Variants in C12orf60 observed in about 807,000 individuals in gnomAD.
C12orf60 encodes the protein chromosome 12 open reading frame 60, also known as uncharacterized protein C12orf60.
For synonymous variants in C12orf60, 102 were observed against 94.6 expected (o/e 1.08, Z -0.45); for missense variants, 284 against 283.2 (o/e 1.00, Z -0.02).
intron 1 of C12orf60, among the ~76,000 whole-genome samples, chr12:14,814,789 T>G (rs1281099136): frequency 6.6e-6 from 1 of 152,196 alleles, no homozygotes; most frequent in Non-Finnish European, 1.5e-5. Flanking sequence ...CCAGCTTCAG[T>G]CTTCAGACCC....
intron 1 of C12orf60, among the ~76,000 whole-genome samples, chr12:14,822,439 A>C (rs76108990): frequency 6.6e-6 from 1 of 152,118 alleles, no homozygotes; most frequent in Non-Finnish European, 1.5e-5. Context: ...GCCTTCTGTC[A>C]TCCACCTTTC....
chr12:14,820,373 C>T (rs1451714512), intron 1 of C12orf60, among the ~76,000 whole-genome samples: 2 of 151,304 alleles, frequency 1.3e-5, no homozygotes, highest in Non-Finnish European at 3.0e-5. Context: ...ATTATTTTTT[C>T]CTTTTGCTTA....
chr12:14,803,823 T>C (rs1950004775), intron 1 of C12orf60, 72 bp downstream of exon 1: 1 of 227,776 alleles, frequency 4.4e-6, no homozygotes, highest in African/African-American at 2.3e-5. Flanking sequence ...TCTTTTGGAA[T>C]TACCTTAGTT....
At chr12:14,817,010 T>G (rs529713425) in intron 1 of C12orf60, among the ~76,000 whole-genome samples, 2 of 152,264 alleles carry the variant, frequency 1.3e-5, no homozygotes, top group East Asian at 3.9e-4. Context: ...CCCAAAGTGT[T>G]GGGATTACAC....
rs765292550 is a variant in C12orf60 at position 14,822,926 on chromosome 12, TG to T, written c.-9del. The stretch of plus-strand genomic sequence containing the variant: ...TTGCTTTGCAGTGTTGGAACTTATT[TG>T]TTGGAGAAATGTCTTCAGAGTCAGA... On this transcript the variant is annotated 5_prime_UTR_variant, in exon 2 of 2. Coordinates refer to ENST00000330828, the MANE Select transcript of C12orf60 (RefSeq NM_175874.4). 4.5e-6 allele frequency: 7 copies of T among 1,551,806 alleles called. No individual in the cohort carries two copies. The South Asian group carries it at 8.6e-5, about 19-fold the overall frequency.
intron 1 of C12orf60, among the ~76,000 whole-genome samples, chr12:14,808,391 CTT>C (rs1315332812): frequency 1.3e-5 from 2 of 151,728 alleles, no homozygotes; most frequent in Non-Finnish European, 2.9e-5. Flanking sequence ...AAATTACACT[CTT>C]GAGAGAAAAG....
chr12:14,812,457 A>T (rs947240441), intron 1 of C12orf60, among the ~76,000 whole-genome samples: 9 of 151,924 alleles, frequency 5.9e-5, no homozygotes, highest in East Asian at 1.9e-4. Flanking sequence ...AAAAAAAAAA[A>T]TTTTATTGGT....
At chr12:14,819,644 T>C (rs552631462) in intron 1 of C12orf60, among the ~76,000 whole-genome samples, 1 of 152,276 alleles carries the variant, frequency 6.6e-6, no homozygotes, top group East Asian at 1.9e-4. Context: ...TGGTTCTTTG[T>C]AAGAGCCCTC....
In C12orf60 at chr12:14,822,913, G is replaced by A. The variant is rs1316484518; in HGVS notation, c.-23G>A. 1.9e-6 allele frequency: 3 copies of A among 1,543,980 alleles called. No individual in the cohort carries two copies. Among genetic ancestry groups the A allele is most frequent in the Non-Finnish European group, 2.6e-6 (3 of 1,146,694 alleles). ...TTGGATTACTGCTTTGCTTTGCAGT[G>A]TTGGAACTTATTTGTTGGAGAAATG... On this transcript the variant is annotated splice_region_variant and 5_prime_UTR_variant, in exon 2 of 2. Coordinates refer to ENST00000330828, the MANE Select transcript of C12orf60 (RefSeq NM_175874.4).
intron 1 of C12orf60, among the ~76,000 whole-genome samples, chr12:14,808,064 A>G (rs1592230764): frequency 6.6e-6 from 1 of 152,192 alleles, no homozygotes; most frequent in African/African-American, 2.4e-5. Flanking sequence ...TACTCTGGAG[A>G]CTGAGGCAGG....
intron 1 of C12orf60, among the ~76,000 whole-genome samples, chr12:14,807,690 A>G (rs563612884): frequency 6.6e-6 from 1 of 152,302 alleles, no homozygotes; most frequent in East Asian, 1.9e-4. Context: ...TTAAAATTTC[A>G]TGTGGGGAGA....
rs200379721 is a variant in C12orf60 at position 14,822,985 on chromosome 12, A to G, written c.50A>G (p.Lys17Arg). 6 of 1,608,076 alleles carry G rather than the reference A, an allele frequency of 3.7e-6. No homozygotes were observed. The highest frequency in any genetic ancestry group is 5.1e-6 in the Non-Finnish European group (6 of 1,175,360). ...AAAGAGAGACTGATTCAAGCTGCCA[A>G]AATGTTCTTCTTTCATGTACAAGAT... ...KDKERLIQAAKMFFFHVQDLA... is the reference protein window; with the variant it reads ...KDKERLIQAARMFFFHVQDLA... Residue 17 changes from lysine to arginine, a missense_variant, in exon 2 of 2, where the codon AAA (lysine) becomes AGA (arginine). By Grantham distance (26) the Lys-to-Arg change is conservative (BLOSUM62 2). Transcript: ENST00000330828.
chr12:14,811,803 C>T (rs1950143860), intron 1 of C12orf60, among the ~76,000 whole-genome samples: 1 of 152,154 alleles, frequency 6.6e-6, no homozygotes, highest in South Asian at 2.1e-4. Flanking sequence ...AACAGTAGTG[C>T]GTTGACTGTC....
intron 1 of C12orf60, among the ~76,000 whole-genome samples, chr12:14,804,161 G>A (rs1358883659): frequency 6.6e-6 from 1 of 152,170 alleles, no homozygotes; most frequent in Non-Finnish European, 1.5e-5. Flanking sequence ...GAGTGGCAAG[G>A]TTGATATATA....
intron 1 of C12orf60, chr12:14,806,632 C>T (rs918434163): frequency 6.2e-7 from 1 of 1,611,410 alleles, no homozygotes; most frequent in Admixed American, 1.7e-5. Flanking sequence ...CGATTTACTT[C>T]TTCCCGCCTT....
At chr12:14,814,774 T>G (rs370264896) in intron 1 of C12orf60, among the ~76,000 whole-genome samples, 5 of 152,318 alleles carry the variant, frequency 3.3e-5, no homozygotes, top group East Asian at 1.9e-4. Context: ...CCCTGCTGCT[T>G]CTTCCCAGCT....
chr12:14,804,648 C>T (rs537761910), intron 1 of C12orf60: 26 of 152,160 alleles, frequency 1.7e-4, no homozygotes, highest in Non-Finnish European at 3.7e-4. Context: ...TAATCTTGAA[C>T]TGCGAAGGTG....
At chr12:14,811,051 C>T (rs1248932758) in intron 1 of C12orf60, among the ~76,000 whole-genome samples, 1 of 152,146 alleles carries the variant, frequency 6.6e-6, no homozygotes, top group African/African-American at 2.4e-5. Flanking sequence ...ATTGTAGCAC[C>T]AACAGCAAGT....
chr12:14,806,134 C>G (rs1950044957), intron 1 of C12orf60: 2 of 1,614,140 alleles, frequency 1.2e-6, no homozygotes, highest in African/African-American at 1.3e-5. Flanking sequence ...GTTTTTTCCA[C>G]TGCTCCCAGG....
Sources: gnomAD v4.1 joint callset for allele counts (sites outside exome capture counted in the v4.1 genomes callset) on GRCh38, gnomAD v4.1.1 for gene constraint, MANE v1.5 for transcripts, NCBI Gene and HGNC (gene_info 2026-07-23, HGNC 2026-07-21) for gene names.